Variants in KALRN observed in about 807,000 individuals in gnomAD.
The protein encoded by KALRN is kalirin RhoGEF kinase.
KALRN carries 70 observed loss-of-function variants against 353.7 expected under a neutral mutation model. The observed-to-expected ratio is 0.20, with a 90% CI of 0.16 to 0.24. KALRN has a LOEUF of 0.24. KALRN is among the 10% of genes least tolerant of loss of function. KALRN has a pLI of 1.00. For synonymous variants in KALRN, 1,391 were observed against 1,434.8 expected (o/e 0.97, Z 0.69); for missense variants, 2,791 against 3,756.7 (o/e 0.74, Z 6.72).
At chr3:124,405,666 C>T (rs1172119182) in intron 13 of KALRN, among the ~76,000 whole-genome samples, 12 of 96,180 alleles carry the variant, frequency 1.2e-4, no homozygotes, top group African/African-American at 3.6e-4. Context: ...TTTTTTTTGA[C>T]GGAGTCTCGC....
chr3:124,176,122 C>T (rs2072703585), intron 1 of KALRN, among the ~76,000 whole-genome samples: 1 of 152,138 alleles, frequency 6.6e-6, no homozygotes, highest in South Asian at 2.1e-4. Context: ...TGACCAGCCT[C>T]TCTGGTCTGG....
intron 47 of KALRN, among the ~76,000 whole-genome samples, chr3:124,669,948 T>C (rs58139320): frequency 0.08 from 12,052 of 150,794 alleles, 990 homozygotes; most frequent in African/African-American, 0.21. Context: ...CATCCTTTTT[T>C]CCCCCATATA....
At chr3:124,653,145 T>C (rs1275305527) in intron 38 of KALRN, among the ~76,000 whole-genome samples, 1 of 152,196 alleles carries the variant, frequency 6.6e-6, no homozygotes, top group African/African-American at 2.4e-5. Context: ...AAGGGTGTTG[T>C]ATAGGTGTTT....
intron 34 of KALRN, among the ~76,000 whole-genome samples, chr3:124,613,768 T>C (rs1381379065): frequency 6.6e-6 from 1 of 152,230 alleles, no homozygotes; most frequent in East Asian, 1.9e-4. Context: ...TTTAATGTTG[T>C]TAAATTTGAT....
chr3:124,482,285 G>A (rs1577306157), intron 27 of KALRN, among the ~76,000 whole-genome samples: 1 of 152,166 alleles, frequency 6.6e-6, no homozygotes, highest in African/African-American at 2.4e-5. Flanking sequence ...ACCCTAAGTT[G>A]GGATGTGTTA....
At chr3:124,044,383 A>G (rs1398203003) in intron 1 of KALRN, among the ~76,000 whole-genome samples, 7 of 152,156 alleles carry the variant, frequency 4.6e-5, no homozygotes, top group South Asian at 2.1e-4. Flanking sequence ...AGAATCTTAG[A>G]ACAGGAACTT....
intron 39 of KALRN, 140 bp downstream of exon 39, chr3:124,655,807 A>T (rs2083950421): frequency 1.5e-6 from 1 of 651,508 alleles, no homozygotes; most frequent in Admixed American, 2.6e-5. Flanking sequence ...AAAAATGGTA[A>T]TAAGTAGAAT....
intron 3 of KALRN, among the ~76,000 whole-genome samples, chr3:124,237,037 G>C (rs2079864121): frequency 6.6e-6 from 1 of 152,208 alleles, no homozygotes; most frequent in Non-Finnish European, 1.5e-5. Context: ...ATGCCCACCA[G>C]TCACTTCCTA....
chr3:124,049,344 A>T (rs755265625), intron 1 of KALRN, among the ~76,000 whole-genome samples: 29 of 152,116 alleles, frequency 1.9e-4, no homozygotes, highest in Non-Finnish European at 3.8e-4. Flanking sequence ...CCACCACTAA[A>T]TAGCTCTGTG....
chr3:124,324,299 G>A (rs1241661565), intron 6 of KALRN, among the ~76,000 whole-genome samples: 1 of 152,154 alleles, frequency 6.6e-6, no homozygotes, highest in Non-Finnish European at 1.5e-5. Flanking sequence ...AGATTTGAGG[G>A]ACTTCCCATG....
chr3:124,421,911 G>A (rs2092799982), intron 14 of KALRN, among the ~76,000 whole-genome samples: 1 of 152,188 alleles, frequency 6.6e-6, no homozygotes, highest in African/African-American at 2.4e-5. Context: ...AAGGAATGGG[G>A]CAACAGCTTC....
intron 47 of KALRN, among the ~76,000 whole-genome samples, chr3:124,668,991 T>C (rs866794956): frequency 1.3e-5 from 2 of 152,246 alleles, no homozygotes; most frequent in African/African-American, 4.8e-5. Context: ...CAAGAAGTTA[T>C]TGACATAACA....
At position 124,664,370 on chromosome 3, in the gene KALRN, T is replaced by TGTGCGCGC. The variant is rs370394911; in HGVS notation, c.6346-2078_6346-2077insTGCGCGCG. Among the ~76,000 whole-genome samples the TGTGCGCGC allele has an allele frequency of 8.2e-3, 1,068 of 129,518 alleles. 19 individuals carry two copies. Among genetic ancestry groups the TGTGCGCGC allele is most frequent in the African/African-American group, 0.028 (976 of 34,512 alleles). The allele number at this position is 129,518 out of a possible 152,430, so 85.0% of individuals were successfully genotyped here. A position where few individuals can be genotyped will look rare whatever the true frequency, so the allele number is the denominator to read the frequency against. ...GTGTGTGTGTGTGTGTGTGTGTGTG[T>TGTGCGCGC]GCGCGCGCGCGCATATAAGGGCACC... On this transcript the variant is annotated intron_variant, in intron 45 of 59. Transcript: ENST00000682506.
At chr3:124,625,536 C>T (rs928901473) in intron 34 of KALRN, among the ~76,000 whole-genome samples, 7 of 151,218 alleles carry the variant, frequency 4.6e-5, no homozygotes, top group Admixed American at 1.3e-4. Context: ...GCCCGGACAA[C>T]ATCATGAGAC....
At chr3:124,332,758 C>A (rs2080721627) in intron 8 of KALRN, among the ~76,000 whole-genome samples, 1 of 152,048 alleles carries the variant, frequency 6.6e-6, no homozygotes, top group Non-Finnish European at 1.5e-5. Context: ...CCTTTCTCTG[C>A]ATGTTCTAGA....
chr3:124,549,926 T>A (rs889001987), intron 33 of KALRN, among the ~76,000 whole-genome samples: 1 of 151,874 alleles, frequency 6.6e-6, no homozygotes, highest in African/African-American at 2.4e-5. Flanking sequence ...AGACAAGTAG[T>A]GGAAGCTGGG....
chr3:124,423,719 A>T (rs1353070874), intron 15 of KALRN, among the ~76,000 whole-genome samples: 1 of 152,146 alleles, frequency 6.6e-6, no homozygotes, highest in East Asian at 1.9e-4. Context: ...AAAATTCTCA[A>T]TATTAGCTGA....
intron 15 of KALRN, among the ~76,000 whole-genome samples, chr3:124,425,924 CA>C (rs2092994317): frequency 6.6e-6 from 1 of 151,994 alleles, no homozygotes; most frequent in East Asian, 1.9e-4. Context: ...AGTGGGAAGA[CA>C]AAAAAGGAAT....
intron 1 of KALRN, among the ~76,000 whole-genome samples, chr3:124,180,834 C>T (rs2073467529): frequency 6.6e-6 from 1 of 151,780 alleles, no homozygotes. Flanking sequence ...TGTCTCTCAC[C>T]CCACTTCCTG....
Sources: gnomAD v4.1 joint callset for allele counts (sites outside exome capture counted in the v4.1 genomes callset) on GRCh38, gnomAD v4.1.1 for gene constraint, MANE v1.5 for transcripts, NCBI Gene and HGNC (gene_info 2026-07-23, HGNC 2026-07-21) for gene names.